The following PWWP2A variants were observed in gnomAD, a reference collection of about 807,000 sequenced individuals.
PWWP2A encodes the protein PWWP domain containing 2A, also known as PWWP domain-containing protein 2A.
PWWP2A carries 18 observed loss-of-function variants against 48.5 expected under a neutral mutation model. The ratio of observed to expected loss-of-function variants is 0.37; its 90% CI spans 0.26 to 0.55. The LOEUF (loss-of-function observed/expected upper bound fraction) is 0.55. Ranked by LOEUF, PWWP2A falls within the 20% of genes least tolerant of loss-of-function variation. The pLI, the probability that PWWP2A is intolerant of heterozygous loss-of-function variation, is 0.81. For synonymous variants in PWWP2A, 396 were observed against 387.7 expected, an observed-to-expected ratio of 1.02 and a Z score of -0.25; for missense variants, 867 against 976.4, an observed-to-expected ratio of 0.89 and a Z score of 1.49.
downstream of PWWP2A, among the ~76,000 whole-genome samples, chr5:160,060,720 A>G (rs1753357640): frequency 6.6e-6 from 1 of 152,216 alleles, no homozygotes; most frequent in South Asian, 2.1e-4. Context: ...GCATGTGCAT[A>G]TATTTAGGAG....
In PWWP2A at chr5:160,119,269, G is replaced by C. The variant is rs1480268600; in HGVS notation, c.120C>G (p.Leu40=). ...IPGSEAGTDP[L]PVTATEASVP... is the part of the protein sequence containing the mutation. The stretch of plus-strand genomic sequence containing the variant: ...CAGACGCTTCAGTGGCCGTGACCGG[G>C]AGGGGGTCAGTGCCGGCCTCACTGC... Residue 40 remains leucine, a synonymous_variant, in exon 1 of 2, where the codon CTC becomes CTG. Transcript: ENST00000307063. The C allele has an allele frequency of 2.9e-6, 4 of 1,402,744 alleles. No individual in the cohort carries two copies. The highest frequency in any genetic ancestry group is 3.7e-6 in the Non-Finnish European group (4 of 1,088,580). The allele number at this position is 1,402,744 out of a possible 1,614,324, so 86.9% of individuals were successfully genotyped here.
At chr5:160,090,061 C>A, downstream of PWWP2A, 5 of 985,364 alleles carry the variant, frequency 5.1e-6, no homozygotes, top group Non-Finnish European at 4.8e-6. Context: ...TGCCAGACTG[C>A]CAGTTTAAAA....
chr5:160,045,503 C>A, the PWWP2A span, among the ~76,000 whole-genome samples: 1 of 103,258 alleles, frequency 9.7e-6, no homozygotes, highest in South Asian at 3.5e-4. Context: ...CACACACACA[C>A]ACACACACAC....
downstream of PWWP2A, among the ~76,000 whole-genome samples, chr5:160,057,566 G>A (rs768308038): frequency 1.3e-5 from 2 of 152,154 alleles, no homozygotes; most frequent in Non-Finnish European, 2.9e-5. The surrounding 1 kb of genome is among the most constrained non-coding windows in gnomAD (Gnocchi z 4.4). Flanking sequence ...TAAACATTGG[G>A]GTGTCTGTGG....
At chr5:160,088,049 C>T (rs1022691495), downstream of PWWP2A, among the ~76,000 whole-genome samples, 2 of 151,974 alleles carry the variant, frequency 1.3e-5, no homozygotes, top group Non-Finnish European at 2.9e-5. Flanking sequence ...TAATCCTGTT[C>T]TTTTGTTGAA....
Position 160,118,958 on chromosome 5 carries a change from A to C in PWWP2A, c.431T>G (p.Val144Gly). Residue 144 changes from valine to glycine, a missense_variant, in exon 1 of 2, where the codon GTG (valine) becomes GGG (glycine). Physicochemically the swap from Val to Gly is moderately radical, Grantham distance 109. Coordinates refer to ENST00000307063, the MANE Select transcript of PWWP2A (RefSeq NM_001130864.2). Reference protein sequence around the residue: ...PLPQPVAPALVPPAGGDSTVS... With the variant: ...PLPQPVAPALGPPAGGDSTVS... ...CGTGGAGTCCCCGCCCGCCGGCGGCACGAGCGCCGGGGCTACGGGCTGAGG... is the reference window on the plus strand; with the variant it reads ...CGTGGAGTCCCCGCCCGCCGGCGGCCCGAGCGCCGGGGCTACGGGCTGAGG... The C allele has an allele frequency of 6.3e-7, 1 of 1,598,544 alleles. No homozygotes were observed. The highest frequency in any genetic ancestry group is 8.5e-7 in the Non-Finnish European group (1 of 1,174,196).
downstream of PWWP2A, among the ~76,000 whole-genome samples, chr5:160,071,737 G>A (rs1753743744): frequency 6.6e-6 from 1 of 152,118 alleles, no homozygotes; most frequent in South Asian, 2.1e-4. Flanking sequence ...GCTCTCAGCT[G>A]CGCAGCCCCC....
At chr5:160,079,645 A>T (rs1754087355) in intron 3 of PWWP2A, among the ~76,000 whole-genome samples, 2 of 152,200 alleles carry the variant, frequency 1.3e-5, no homozygotes, top group South Asian at 4.1e-4. Context: ...CCTTCTATTT[A>T]TGACTCAATA....
intron 2 of PWWP2A, among the ~76,000 whole-genome samples, chr5:160,069,480 C>T (rs535584004): frequency 4.6e-5 from 7 of 152,126 alleles, no homozygotes; most frequent in African/African-American, 9.7e-5. Context: ...AGTGTTATTT[C>T]GTTAAGTGTG....
downstream of PWWP2A, among the ~76,000 whole-genome samples, chr5:160,072,340 A>G (rs1481340524): frequency 2.6e-5 from 4 of 152,310 alleles, no homozygotes; most frequent in South Asian, 2.1e-4. Context: ...AAAAAAGTCA[A>G]TTAAAAAAAA....
chr5:160,071,530 T>C (rs987666838), downstream of PWWP2A, among the ~76,000 whole-genome samples: 5 of 152,194 alleles, frequency 3.3e-5, no homozygotes. Context: ...AAGACAGTTG[T>C]GCAAGTGAAT....
rs76115985 is a variant in PWWP2A, at chr5:160,101,364, T to G, written c.585-7299A>C. Among the ~76,000 whole-genome samples, 109 of 151,960 alleles carry G rather than the reference T, an allele frequency of 7.2e-4. 1 individual carries two copies. Among genetic ancestry groups the G allele is most frequent in the East Asian group, 5.4e-3 (28 of 5,162 alleles). ...GACTCTGTCTCAAAAAAAAAGGAAATCATGGCACATGCTACAACATGAATG... is the reference window on the plus strand; with the variant it reads ...GACTCTGTCTCAAAAAAAAAGGAAAGCATGGCACATGCTACAACATGAATG... On this transcript the variant is annotated intron_variant, in intron 1 of 1. Transcript: ENST00000307063.
chr5:160,104,122 C>CCAAAAAAAAA (rs71579113), intron 1 of PWWP2A, among the ~76,000 whole-genome samples: 3 of 61,764 alleles, frequency 4.9e-5, no homozygotes, highest in Non-Finnish European at 8.6e-5. Flanking sequence ...GACTCTGTCT[C>CCAAAAAAAAA]AAAAAAAAAA....
intron 1 of PWWP2A, among the ~76,000 whole-genome samples, chr5:160,116,451 G>A (rs766204565): frequency 2.6e-5 from 4 of 152,128 alleles, no homozygotes; most frequent in East Asian, 3.9e-4. Flanking sequence ...GCAAGACTCC[G>A]TCTTGGAAAA....
At chr5:160,101,969 G>A (rs529215421) in intron 1 of PWWP2A, among the ~76,000 whole-genome samples, 138 of 151,874 alleles carry the variant, frequency 9.1e-4, no homozygotes, top group Non-Finnish European at 1.4e-3. Flanking sequence ...AAGTAGCCGG[G>A]CGTGGTGGCA....
chr5:160,118,070 C>T (rs1232438231), intron 1 of PWWP2A: 1 of 155,198 alleles, frequency 6.4e-6, no homozygotes, highest in Non-Finnish European at 1.4e-5. Flanking sequence ...CCTTCTTGTC[C>T]TTAATACATA....
chr5:160,056,607 C>T, the PWWP2A span, among the ~76,000 whole-genome samples: 1 of 152,172 alleles, frequency 6.6e-6, no homozygotes, highest in Non-Finnish European at 1.5e-5. Context: ...CCTGTAGTCT[C>T]AGCCACTTGG....
At chr5:160,045,520 A>ACT in the PWWP2A span, among the ~76,000 whole-genome samples, 1,188 of 54,844 alleles carry the variant, frequency 0.022, 35 homozygotes, top group South Asian at 0.041. Context: ...ACACATACAC[A>ACT]CTCTCTCTCT....
intron 2 of PWWP2A, among the ~76,000 whole-genome samples, chr5:160,082,780 G>A (rs918472565): frequency 6.6e-6 from 1 of 152,146 alleles, no homozygotes; most frequent in African/African-American, 2.4e-5. Context: ...AGAGCCAGGA[G>A]ACCCAGCTGT....
Sources: gnomAD v4.1 joint callset for allele counts (sites outside exome capture counted in the v4.1 genomes callset) on GRCh38, gnomAD v4.1.1 for gene constraint, Gnocchi (gnomAD v3.1) non-coding constraint, MANE v1.5 for transcripts, NCBI Gene and HGNC (gene_info 2026-07-23, HGNC 2026-07-21) for gene names.